GPR63: variants seen among roughly 807,000 people sequenced by gnomAD.
The protein encoded by GPR63 is probable G protein-coupled receptor 63.
In GPR63, 12 loss-of-function variants were observed where a neutral mutation model predicts 23.1. The observed-to-expected ratio is 0.52, with a 90% CI of 0.33 to 0.84. The LOEUF (loss-of-function observed/expected upper bound fraction) is 0.84, where lower values mean the gene tolerates loss of function less well. Ranked by LOEUF, GPR63 falls within the 40% of genes least tolerant of loss-of-function variation. The pLI, the probability that GPR63 is intolerant of heterozygous loss-of-function variation, is 0.02. For synonymous variants in GPR63, 172 were observed against 191.1 expected, an observed-to-expected ratio of 0.90 and a Z score of 0.82; for missense variants, 472 against 515.6, an observed-to-expected ratio of 0.92 and a Z score of 0.82.
chr6:96,833,695 G>A (rs763632892), intron 1 of GPR63, among the ~76,000 whole-genome samples: 3 of 152,098 alleles, frequency 2.0e-5, no homozygotes, highest in Non-Finnish European at 4.4e-5. Context: ...ACCCTAAAAG[G>A]TATGTAAAGC....
intron 1 of GPR63, among the ~76,000 whole-genome samples, chr6:96,826,049 A>C (rs1253408328): frequency 1.3e-5 from 2 of 152,238 alleles, no homozygotes; most frequent in East Asian, 3.9e-4. Flanking sequence ...ATGTTTACCA[A>C]GATGTACCAT....
At chr6:96,805,701 A>C (rs1773879289) in intron 1 of GPR63, among the ~76,000 whole-genome samples, 1 of 152,224 alleles carries the variant, frequency 6.6e-6, no homozygotes, top group Non-Finnish European at 1.5e-5. Flanking sequence ...GTATAATGGT[A>C]GGAAAGGTTA....
rs1773616229 is a variant in GPR63 at position 96,797,347 on chromosome 6, C to G, written c.*1125G>C. 1 of 152,114 alleles carries G rather than the reference C, an allele frequency of 6.6e-6. No homozygotes were observed. Among genetic ancestry groups the G allele is most frequent in the Admixed American group, 6.6e-5 (1 of 15,258 alleles). The allele number at this position is 152,114 out of a possible 1,614,324, so 9.4% of individuals were successfully genotyped here. ...AAAGGCTAATTTTTAAAAAGAATATCATAGTCTAAAAAATTAAAGGATGCA... is the reference window on the plus strand; with the variant it reads ...AAAGGCTAATTTTTAAAAAGAATATGATAGTCTAAAAAATTAAAGGATGCA... On this transcript the variant is annotated 3_prime_UTR_variant, in exon 2 of 2. Transcript: ENST00000229955.
intron 1 of GPR63, among the ~76,000 whole-genome samples, chr6:96,822,574 T>C (rs1562123690): frequency 6.6e-6 from 1 of 152,234 alleles, no homozygotes; most frequent in Non-Finnish European, 1.5e-5. Flanking sequence ...GTATACTATA[T>C]AAATCTTTGG....
Position 96,799,069 on chromosome 6 carries a change from C to G in GPR63, c.663G>C (p.Gln221His). The stretch of plus-strand genomic sequence containing the variant: ...CACACTGGGGAGCTCGGGAAGGTAT[C>G]TGCAGGTCGGGGTTTCCTACGGCTA... Reference protein sequence around the residue: ...FPLAVGNPDLQIPSRAPQCVF... With the variant: ...FPLAVGNPDLHIPSRAPQCVF... Residue 221 changes from glutamine (Q) to histidine (H), a missense_variant, in exon 2 of 2, where the codon CAG becomes CAC. Transcript: ENST00000229955. 6.2e-7 allele frequency: 1 copy of G among 1,614,166 alleles called. No individual in the cohort carries two copies. Among genetic ancestry groups the G allele is most frequent in the Non-Finnish European group, 8.5e-7 (1 of 1,180,028 alleles).
intron 1 of GPR63, among the ~76,000 whole-genome samples, chr6:96,828,703 TAA>T (rs1307009834): frequency 4.6e-5 from 7 of 151,982 alleles, no homozygotes; most frequent in African/African-American, 1.7e-4. Flanking sequence ...ATTCTAAATA[TAA>T]AGAGACTAAA....
intron 1 of GPR63, among the ~76,000 whole-genome samples, chr6:96,804,262 G>A (rs1204557832): frequency 1.3e-5 from 2 of 151,964 alleles, no homozygotes; most frequent in Admixed American, 6.6e-5. Context: ...TTTGAGACAG[G>A]ATCTCACTCT....
At chr6:96,832,652 G>A (rs183106243) in intron 1 of GPR63, among the ~76,000 whole-genome samples, 1 of 152,112 alleles carries the variant, frequency 6.6e-6, no homozygotes, top group Admixed American at 6.5e-5. Context: ...GAGGGTAGGA[G>A]TAGGGACAGG....
intron 1 of GPR63, among the ~76,000 whole-genome samples, chr6:96,809,999 T>G (rs1774000267): frequency 6.6e-6 from 1 of 152,208 alleles, no homozygotes; most frequent in Non-Finnish European, 1.5e-5. Flanking sequence ...ATATCTCTAT[T>G]ATAGCCTATT....
Position 96,798,194 on chromosome 6 carries a change from T to A in GPR63, c.*278A>T, listed in dbSNP as rs187130438. 5.8e-6 allele frequency: 2 copies of A among 342,078 alleles called. No individual in the cohort carries two copies. The highest frequency in any genetic ancestry group is 1.0e-4 in the East Asian group (2 of 19,946). 21.2% of individuals were successfully genotyped at this position (342,078 alleles called of 1,614,324 possible). A position where few individuals can be genotyped will look rare whatever the true frequency, so the allele number is the denominator to read the frequency against. On this transcript the variant is annotated 3_prime_UTR_variant, in exon 2 of 2. Coordinates refer to ENST00000229955, the MANE Select transcript of GPR63 (RefSeq NM_030784.4). ...TAAAGCACAATCCTGATTCCCACTATGAAAACAAAATCAATCAAGGAAAAA... is the reference window on the plus strand; with the variant it reads ...TAAAGCACAATCCTGATTCCCACTAAGAAAACAAAATCAATCAAGGAAAAA...
intron 1 of GPR63, among the ~76,000 whole-genome samples, chr6:96,806,770 A>G (rs1430671609): frequency 6.6e-6 from 1 of 152,226 alleles, no homozygotes; most frequent in Non-Finnish European, 1.5e-5. Flanking sequence ...TACATGAGCA[A>G]GTGGCTGAGA....
intron 1 of GPR63, among the ~76,000 whole-genome samples, chr6:96,801,210 AT>A (rs35755439): frequency 0.11 from 15,316 of 143,846 alleles, 870 homozygotes; most frequent in Non-Finnish European, 0.14. Flanking sequence ...TCAGTCATTG[AT>A]TTTTTTTTTT....
chr6:96,799,252 A>G lies in GPR63; in HGVS notation c.480T>C (p.Phe160=), dbSNP rs773272999. ...CTCCTTCTATCACAAATAACCAGAA[A>G]AACATAGCAGATACCCTACAGAAGA... is the stretch of plus-strand genomic sequence containing the variant. The part of the protein sequence containing the change: ...GKFFCRVSAM[F]FWLFVIEGVA... The change falls in exon 2 of 2, where the codon TTT becomes TTC. Residue 160 remains phenylalanine (F), a synonymous_variant. Transcript: ENST00000229955. 1 of 1,614,188 alleles carries G rather than the reference A, an allele frequency of 6.2e-7. No individual in the cohort carries two copies. The highest frequency in any genetic ancestry group is 1.7e-5 in the Admixed American group (1 of 60,018).
Position 96,822,314 on chromosome 6 carries a change from T to G in GPR63, c.-151+14954A>C, listed in dbSNP as rs1049937415. 3.3e-4 allele frequency among the ~76,000 whole-genome samples: 50 copies of G among 152,178 alleles called. 1 individual carries two copies. Among genetic ancestry groups the G allele is most frequent in the Non-Finnish European group, 1.2e-4 (8 of 68,032 alleles). Reference sequence around the variant, plus strand: ...CCTCAAAAAAAACGGCAAATCTGTTTTGACCTTGATTCACTGCTATGATCA... The same window carrying G: ...CCTCAAAAAAAACGGCAAATCTGTTGTGACCTTGATTCACTGCTATGATCA... On this transcript the variant is annotated intron_variant, in intron 1 of 1. Transcript: ENST00000229955.
intron 1 of GPR63, among the ~76,000 whole-genome samples, chr6:96,815,672 T>TA (rs2127953064): frequency 6.6e-6 from 1 of 152,330 alleles, no homozygotes; most frequent in East Asian, 1.9e-4. Context: ...ATCGCAGGTG[T>TA]ACACGTATGT....
At chr6:96,804,889 A>T (rs1325853881) in intron 1 of GPR63, among the ~76,000 whole-genome samples, 3 of 152,206 alleles carry the variant, frequency 2.0e-5, no homozygotes, top group Non-Finnish European at 4.4e-5. Context: ...ATTTACTGAT[A>T]AGCCAACAGT....
Position 96,799,269 on chromosome 6 carries a change from T to C in GPR63, c.463A>G (p.Arg155Gly), listed in dbSNP as rs753513043. ...TRWIFGKFFC[R>G]VSAMFFWLFV... Reference sequence around the variant, plus strand: ...AACCAGAAAAACATAGCAGATACCCTACAGAAGAATTTCCCAAAAATCCAT... The same window carrying C: ...AACCAGAAAAACATAGCAGATACCCCACAGAAGAATTTCCCAAAAATCCAT... The change falls in exon 2 of 2, where the codon AGG (arginine) becomes GGG (glycine). Residue 155 changes from arginine to glycine, a missense_variant. By Grantham distance (125) the Arg-to-Gly change is moderately radical. Coordinates refer to ENST00000229955, the MANE Select transcript of GPR63 (RefSeq NM_030784.4). 3.1e-6 allele frequency: 5 copies of C among 1,614,122 alleles called. No homozygotes were observed. The highest frequency in any genetic ancestry group is 4.2e-6 in the Non-Finnish European group (5 of 1,180,024).
intron 1 of GPR63, among the ~76,000 whole-genome samples, chr6:96,800,809 A>T (rs1364660753): frequency 1.3e-5 from 2 of 152,222 alleles, no homozygotes; most frequent in Non-Finnish European, 2.9e-5. Context: ...TGTCAACCAA[A>T]TAACAAAGAT....
intron 1 of GPR63, among the ~76,000 whole-genome samples, chr6:96,818,023 A>G (rs1382625020): frequency 6.6e-6 from 1 of 151,878 alleles, no homozygotes; most frequent in Non-Finnish European, 1.5e-5. Context: ...AAATAATTTT[A>G]TACTACCCAA....
Sources: gnomAD v4.1 joint callset for allele counts (sites outside exome capture counted in the v4.1 genomes callset) on GRCh38, gnomAD v4.1.1 for gene constraint, MANE v1.5 for transcripts, NCBI Gene and HGNC (gene_info 2026-07-23, HGNC 2026-07-21) for gene names.